FGD4: variants seen among roughly 807,000 people sequenced by gnomAD.
FGD4 encodes the protein FYVE, RhoGEF and PH domain-containing protein 4.
FGD4 carries 42 observed loss-of-function variants against 102.0 expected under a neutral mutation model. That is an observed-to-expected ratio of 0.41 (90% confidence interval 0.32 to 0.53). FGD4 has a LOEUF of 0.53. FGD4 is among the 20% of genes least tolerant of loss of function. FGD4 has a pLI of 0.21. For missense variants in FGD4, 902 were observed against 1,078.2 expected (o/e 0.84, Z 2.29); for synonymous variants, 380 against 375.7 (o/e 1.01, Z -0.13).
intron 1 of FGD4, among the ~76,000 whole-genome samples, chr12:32,545,586 T>G (rs1392412472): frequency 6.6e-6 from 1 of 152,230 alleles, no homozygotes; most frequent in South Asian, 2.1e-4. Flanking sequence ...TAAAACTTTA[T>G]TGACAGAAGC....
chr12:32,571,763 T>G (rs529668037), intron 2 of FGD4, among the ~76,000 whole-genome samples: 1 of 152,112 alleles, frequency 6.6e-6, no homozygotes, highest in African/African-American at 2.4e-5. Flanking sequence ...ATTCTAGGTA[T>G]GCGCCAAAGC....
intron 16 of FGD4, among the ~76,000 whole-genome samples, chr12:32,639,254 C>G (rs1291534103): frequency 6.6e-6 from 1 of 152,146 alleles, no homozygotes; most frequent in South Asian, 2.1e-4. Context: ...ACCTCCACCT[C>G]CTGGGTTCAA....
intron 1 of FGD4, among the ~76,000 whole-genome samples, chr12:32,414,506 A>G (rs985011520): frequency 1.3e-5 from 2 of 152,276 alleles, no homozygotes; most frequent in African/African-American, 2.4e-5. Flanking sequence ...CTGTTGTGCT[A>G]TCAAGTACTA....
In FGD4 at chr12:32,431,982, G is replaced by T. The variant is rs117146890; in HGVS notation, c.166+32023G>T. ...CTTTACTTAAACGGATCTTCTGGCCGTCTCTGGGCACCTTATTTAAAATTG... is the reference window on the plus strand; with the variant it reads ...CTTTACTTAAACGGATCTTCTGGCCTTCTCTGGGCACCTTATTTAAAATTG... On this transcript the variant is annotated intron_variant, in intron 1 of 16. Coordinates refer to ENST00000534526, the MANE Select transcript of FGD4 (RefSeq NM_001370298.3). Among the ~76,000 whole-genome samples the T allele has an allele frequency of 6.3e-4, 95 of 150,714 alleles. No homozygotes were observed. In the East Asian group the frequency reaches 0.017, roughly 26 times the overall value.
chr12:32,599,294 A>G (rs1187061563), intron 5 of FGD4, among the ~76,000 whole-genome samples: 1 of 149,884 alleles, frequency 6.7e-6, no homozygotes, highest in African/African-American at 2.5e-5. Flanking sequence ...GGAGATCGAG[A>G]CCATCCTGGC....
At chr12:32,438,408 T>C (rs1005305105) in intron 1 of FGD4, among the ~76,000 whole-genome samples, 1 of 152,146 alleles carries the variant, frequency 6.6e-6, no homozygotes, top group African/African-American at 2.4e-5. Flanking sequence ...TTACTGTACT[T>C]TATTCAAAAT....
At chr12:32,479,029 A>G (rs950438898) in intron 1 of FGD4, among the ~76,000 whole-genome samples, 6 of 152,244 alleles carry the variant, frequency 3.9e-5, no homozygotes, top group African/African-American at 1.4e-4. Context: ...GCTTTGGGAT[A>G]TGCTAGATAC....
intron 3 of FGD4, among the ~76,000 whole-genome samples, chr12:32,577,299 G>A (rs1042589036): frequency 2.0e-5 from 3 of 152,130 alleles, no homozygotes; most frequent in South Asian, 2.1e-4. Context: ...AACAGAATGT[G>A]TATAACTTCA....
intron 1 of FGD4, among the ~76,000 whole-genome samples, chr12:32,555,162 C>A (rs1161314758): frequency 6.6e-6 from 1 of 152,086 alleles, no homozygotes; most frequent in Admixed American, 6.5e-5. Context: ...ATGGTAAAAT[C>A]TGGAAATATT....
intron 1 of FGD4, among the ~76,000 whole-genome samples, chr12:32,440,055 T>C (rs1301475346): frequency 6.6e-6 from 1 of 151,356 alleles, no homozygotes; most frequent in Non-Finnish European, 1.5e-5. Flanking sequence ...CTTCTCTATG[T>C]TATTTTGAAT....
At chr12:32,530,114 A>G (rs1189383694) in intron 1 of FGD4, among the ~76,000 whole-genome samples, 2 of 152,228 alleles carry the variant, frequency 1.3e-5, no homozygotes, top group East Asian at 3.9e-4. Context: ...ATTTCCATGG[A>G]AAATGGTAAG....
intron 7 of FGD4, 55 bp downstream of exon 7, chr12:32,602,372 C>T (rs1948482838): frequency 6.3e-7 from 1 of 1,599,732 alleles, no homozygotes; most frequent in Non-Finnish European, 8.6e-7. Flanking sequence ...ACAAATTATA[C>T]AGTCTTCTAT....
Position 32,490,996 on chromosome 12 carries a change from T to G in FGD4, c.167-73141T>G, listed in dbSNP as rs563627503. On this transcript the variant is annotated intron_variant, in intron 1 of 16. Coordinates refer to ENST00000534526, the MANE Select transcript of FGD4 (RefSeq NM_001370298.3). ...TGCGCTAGGCTGTCTTTTCATTCAGTCTACAATACAGTTCACCAGTGTGGA... is the reference window on the plus strand; with the variant it reads ...TGCGCTAGGCTGTCTTTTCATTCAGGCTACAATACAGTTCACCAGTGTGGA... Among the ~76,000 whole-genome samples the G allele has an allele frequency of 2.0e-5, 3 of 152,290 alleles. No homozygotes were observed. In the South Asian group the frequency reaches 6.2e-4, roughly 32 times the overall value.
chr12:32,551,186 A>G (rs1285998007), intron 1 of FGD4, among the ~76,000 whole-genome samples: 1 of 152,180 alleles, frequency 6.6e-6, no homozygotes, highest in Non-Finnish European at 1.5e-5. Context: ...GGAAAATAGA[A>G]CTCAGGCAGT....
intron 1 of FGD4, among the ~76,000 whole-genome samples, chr12:32,476,708 TCTAA>T (rs1943592883): frequency 6.6e-6 from 1 of 152,092 alleles, no homozygotes; most frequent in Non-Finnish European, 1.5e-5. Flanking sequence ...AGAACCTGTT[TCTAA>T]TTAAAAAAAC....
intron 10 of FGD4, among the ~76,000 whole-genome samples, chr12:32,611,851 A>G (rs1218114716): frequency 1.3e-5 from 2 of 152,218 alleles, no homozygotes; most frequent in Non-Finnish European, 2.9e-5. Context: ...TGGCCAGGGC[A>G]GCTACCCAGC....
At chr12:32,450,299 C>G (rs575330591) in intron 1 of FGD4, among the ~76,000 whole-genome samples, 1 of 152,084 alleles carries the variant, frequency 6.6e-6, no homozygotes, top group East Asian at 1.9e-4. Flanking sequence ...CTTGAACTCT[C>G]GGATTTAGGA....
rs115045025 is a variant in FGD4 at position 32,565,458 on chromosome 12, T to A, written c.319+1169T>A. ...ACTTTTTTTGACCATGATTTAAGCC[T>A]TTTTATTTCCAAAATATAAAATTCC... On this transcript the variant is annotated intron_variant, in intron 2 of 16. Transcript: ENST00000534526. 1.8e-3 allele frequency among the ~76,000 whole-genome samples: 275 copies of A among 152,350 alleles called. 1 individual carries two copies. The highest frequency in any genetic ancestry group is 6.1e-3 in the African/African-American group (252 of 41,576).
intron 12 of FGD4, 104 bp downstream of exon 12, chr12:32,624,556 C>T: frequency 1.0e-6 from 1 of 979,348 alleles, no homozygotes. Context: ...TCACTGCAGC[C>T]TCTGTCTGGG....
Sources: allele counts gnomAD v4.1 joint callset (sites outside exome capture counted in the v4.1 genomes callset), GRCh38; gene constraint gnomAD v4.1.1; transcripts MANE v1.5; gene names NCBI Gene and HGNC (gene_info 2026-07-23, HGNC 2026-07-21).